Variants in KCNU1 observed in about 807,000 individuals in gnomAD.
KCNU1 encodes potassium channel subfamily U member 1.
In KCNU1, 93 loss-of-function variants were observed where a neutral mutation model predicts 126.8. The ratio of observed to expected loss-of-function variants is 0.73; its 90% CI spans 0.62 to 0.87. The LOEUF is 0.87. KCNU1 is among the 40% of genes least tolerant of loss of function. The pLI is 0.00. For synonymous variants in KCNU1, 523 were observed against 494.2 expected, an observed-to-expected ratio of 1.06 and a Z score of -0.77; for missense variants, 1,330 against 1,367.1, an observed-to-expected ratio of 0.97 and a Z score of 0.43.
At position 36,833,592 on chromosome 8, in the gene KCNU1, G is replaced by T; in HGVS notation, c.1145G>T (p.Cys382Phe). Residue 382 changes from cysteine (C) to phenylalanine (F), a missense_variant, in exon 11 of 27, where the codon TGC (cysteine) becomes TTC (phenylalanine). Coordinates refer to ENST00000399881, the MANE Select transcript of KCNU1 (RefSeq NM_001031836.3). Reference sequence around the variant, plus strand: ...TTGGAACTTGAAACCATATTTAAATGCTACTTGGCCTACACAACGTTCATT... The same window carrying T: ...TTGGAACTTGAAACCATATTTAAATTCTACTTGGCCTACACAACGTTCATT... Reference protein sequence around the residue: ...PSLELETIFKCYLAYTTFISG... With the variant: ...PSLELETIFKFYLAYTTFISG... The T allele has an allele frequency of 6.2e-7, 1 of 1,612,000 alleles. No homozygotes were observed. The highest frequency in any genetic ancestry group is 2.2e-5 in the East Asian group (1 of 44,750).
At chr8:36,852,610 T>C (rs1805389417) in intron 18 of KCNU1, among the ~76,000 whole-genome samples, 2 of 152,180 alleles carry the variant, frequency 1.3e-5, no homozygotes, top group Admixed American at 1.3e-4. Context: ...AATTTGTTCA[T>C]TTAATCCACA....
At chr8:36,921,536 G>A (rs370118491) in intron 23 of KCNU1, among the ~76,000 whole-genome samples, 33 of 151,788 alleles carry the variant, frequency 2.2e-4, no homozygotes, top group Middle Eastern at 3.4e-3. Flanking sequence ...AAAATTAGCC[G>A]GACATGGTGG....
At chr8:36,797,599 T>C (rs1166749029) in intron 2 of KCNU1, among the ~76,000 whole-genome samples, 1 of 152,116 alleles carries the variant, frequency 6.6e-6, no homozygotes, top group African/African-American at 2.4e-5. Context: ...CCAGTTTTTC[T>C]TACATAACAC....
chr8:36,806,460 C>A, intron 5 of KCNU1, 80 bp downstream of exon 5: 1 of 739,722 alleles, frequency 1.4e-6, no homozygotes, highest in Non-Finnish European at 2.2e-6. Flanking sequence ...ATCTATTTTT[C>A]ATTTGTTCTT....
chr8:36,911,156 G>T (rs147683676), intron 22 of KCNU1, 37 bp downstream of exon 22: 10 of 1,493,646 alleles, frequency 6.7e-6, no homozygotes, highest in Non-Finnish European at 8.2e-6. Context: ...AAACTAGGAC[G>T]TATGGAAAAA....
intron 19 of KCNU1, among the ~76,000 whole-genome samples, chr8:36,878,706 A>G (rs1806358683): frequency 6.6e-6 from 1 of 151,688 alleles, no homozygotes; most frequent in Non-Finnish European, 1.5e-5. Context: ...CACAAGAACA[A>G]TAGTCATAGT....
intron 19 of KCNU1, among the ~76,000 whole-genome samples, chr8:36,883,421 C>A (rs1299133470): frequency 3.3e-5 from 5 of 152,304 alleles, no homozygotes; most frequent in Admixed American, 6.5e-5. Flanking sequence ...CCTGTTCCCG[C>A]TGTCATATCT....
intron 16 of KCNU1, among the ~76,000 whole-genome samples, chr8:36,841,474 T>G (rs896753494): frequency 6.6e-6 from 1 of 152,042 alleles, no homozygotes; most frequent in Admixed American, 6.5e-5. Flanking sequence ...GGCGGATCAC[T>G]TAAGGCCAGG....
At chr8:36,841,142 G>A in intron 16 of KCNU1, 139 bp downstream of exon 16, 1 of 646,542 alleles carries the variant, frequency 1.5e-6, no homozygotes, top group African/African-American at 1.9e-5. Flanking sequence ...CTGAGAGGCA[G>A]CCTCTGGGGC....
intron 10 of KCNU1, among the ~76,000 whole-genome samples, chr8:36,819,445 C>T (rs946266242): frequency 6.6e-6 from 1 of 152,042 alleles, no homozygotes; most frequent in Admixed American, 6.6e-5. Flanking sequence ...CTCCTGTCCC[C>T]CTCAATCCTT....
chr8:36,905,785 CT>C lies in KCNU1; in HGVS notation c.2090del (p.Leu697TrpfsTer4). 1 of 1,572,388 alleles carries C rather than the reference CT, an allele frequency of 6.4e-7. No individual in the cohort carries two copies. The highest frequency in any genetic ancestry group is 8.7e-7 in the Non-Finnish European group (1 of 1,152,550). On this transcript the variant is annotated frameshift_variant, in exon 20 of 27. Coordinates refer to ENST00000399881, the MANE Select transcript of KCNU1 (RefSeq NM_001031836.3). LOFTEE classifies it high-confidence loss of function. Reference sequence around the variant, plus strand: ...ATGTTTCACTGGTGCAAACCAACCTCTTTGGACAAGGTGACTCTGGTAGGTG... The same window carrying C: ...ATGTTTCACTGGTGCAAACCAACCTCTTGGACAAGGTGACTCTGGTAGGTG... ...SGMFHWCKPT[S>X]LDKVTLKRTG...
rs1807073721 is a variant in KCNU1, at chr8:36,893,795, T to G, written c.2010-11913T>G. 2.0e-5 allele frequency among the ~76,000 whole-genome samples: 3 copies of G among 152,168 alleles called. No homozygotes were observed. The South Asian group carries it at 6.2e-4, about 31-fold the overall frequency. ...GATGTTGATTTTGATAATTTTTTTG[T>G]CAATATTCTCATTGCTTGTGTAGAA... is the stretch of plus-strand genomic sequence containing the variant. On this transcript the variant is annotated intron_variant, in intron 19 of 26. Coordinates refer to ENST00000399881, the MANE Select transcript of KCNU1 (RefSeq NM_001031836.3).
At chr8:36,840,226 A>C (rs1804898855) in intron 14 of KCNU1, among the ~76,000 whole-genome samples, 1 of 152,256 alleles carries the variant, frequency 6.6e-6, no homozygotes, top group African/African-American at 2.4e-5. Flanking sequence ...CGCCATCTGC[A>C]AGAAAATAAG....
At chr8:36,923,997 G>A (rs771965098) in intron 24 of KCNU1, among the ~76,000 whole-genome samples, 1 of 152,230 alleles carries the variant, frequency 6.6e-6, no homozygotes, top group Non-Finnish European at 1.5e-5. Flanking sequence ...AGGCTTTAGA[G>A]TAAGGAGCTA....
intron 19 of KCNU1, among the ~76,000 whole-genome samples, chr8:36,886,015 G>C (rs186722412): frequency 6.6e-6 from 1 of 152,074 alleles, no homozygotes; most frequent in Non-Finnish European, 1.5e-5. Context: ...AAAAATCTGA[G>C]ACTTCATCAT....
chr8:36,858,186 A>AC lies in KCNU1; in HGVS notation c.1892-6218_1892-6217insC, dbSNP rs1396735662. Among the ~76,000 whole-genome samples the AC allele has an allele frequency of 4.0e-5, 6 of 151,608 alleles. No homozygotes were observed. The East Asian group carries it at 9.7e-4, about 24-fold the overall frequency. On this transcript the variant is annotated intron_variant, in intron 18 of 26. Transcript: ENST00000399881. ...CAATTTCAAGGATGGCAAAAAAAAA[A>AC]AAAAAAAAAAAAACTGTTCGTATGT...
intron 10 of KCNU1, among the ~76,000 whole-genome samples, chr8:36,827,682 A>T (rs990978904): frequency 6.6e-6 from 1 of 152,192 alleles, no homozygotes; most frequent in East Asian, 1.9e-4. Flanking sequence ...TTAATATTGT[A>T]TGTATGCAAA....
intron 24 of KCNU1, among the ~76,000 whole-genome samples, chr8:36,924,328 A>T (rs1166521867): frequency 6.6e-6 from 1 of 152,208 alleles, no homozygotes; most frequent in Non-Finnish European, 1.5e-5. Context: ...GGAGGTCCAC[A>T]GTGAGAGGCA....
At chr8:36,850,448 C>T (rs573123277) in intron 18 of KCNU1, among the ~76,000 whole-genome samples, 7 of 146,796 alleles carry the variant, frequency 4.8e-5, no homozygotes, top group East Asian at 4.0e-4. Context: ...CTTACAAAAT[C>T]GGTGATCTTT....
Sources: allele counts gnomAD v4.1 joint callset (sites outside exome capture counted in the v4.1 genomes callset), GRCh38; gene constraint gnomAD v4.1.1; transcripts MANE v1.5; gene names NCBI Gene and HGNC (gene_info 2026-07-23, HGNC 2026-07-21).